Variants in AFG1L observed in about 807,000 individuals in gnomAD.
The protein encoded by AFG1L is AFG1 like ATPase.
Under a neutral mutation model 62.2 loss-of-function variants are expected in AFG1L, and 53 were observed. The observed-to-expected ratio is 0.85, with a 90% CI of 0.68 to 1.07. The LOEUF is 1.07. AFG1L is among the 50% of genes least tolerant of loss of function. The probability of loss-of-function intolerance (pLI) is 0.00; values close to 1 mark genes in which losing one functional copy is unlikely to be tolerated. For missense variants in AFG1L, 555 were observed against 590.5 expected, an observed-to-expected ratio of 0.94 and a Z score of 0.62; for synonymous variants, 228 against 210.3, an observed-to-expected ratio of 1.08 and a Z score of -0.73.
chr6:108,405,361 T>C (rs1315823247), intron 7 of AFG1L, among the ~76,000 whole-genome samples: 1 of 152,212 alleles, frequency 6.6e-6, no homozygotes, highest in African/African-American at 2.4e-5. Context: ...TTTAATACAT[T>C]TTGAGACAGG....
At chr6:108,432,023 G>A (rs892254289) in intron 7 of AFG1L, among the ~76,000 whole-genome samples, 1 of 149,980 alleles carries the variant, frequency 6.7e-6, no homozygotes, top group Non-Finnish European at 1.5e-5. Flanking sequence ...GTTCGATCTG[G>A]TATGCCATCA....
chr6:108,365,855 A>T (rs1582446989), intron 5 of AFG1L, among the ~76,000 whole-genome samples: 1 of 151,944 alleles, frequency 6.6e-6, no homozygotes, highest in South Asian at 2.1e-4. Context: ...TTATTTTTTC[A>T]TCTCTCTTTT....
At chr6:108,477,688 C>G (rs1280515855) in intron 10 of AFG1L, among the ~76,000 whole-genome samples, 2 of 152,186 alleles carry the variant, frequency 1.3e-5, no homozygotes, top group African/African-American at 4.8e-5. Context: ...AATTTCCACT[C>G]CTTGTACTGA....
chr6:108,415,101 A>G (rs1313094225), intron 7 of AFG1L, among the ~76,000 whole-genome samples: 2 of 152,208 alleles, frequency 1.3e-5, no homozygotes, highest in African/African-American at 4.8e-5. Flanking sequence ...ATGTGCAAAA[A>G]TCACAGGCAT....
chr6:108,403,148 G>C (rs1348309182), intron 7 of AFG1L, among the ~76,000 whole-genome samples: 1 of 151,998 alleles, frequency 6.6e-6, no homozygotes, highest in Non-Finnish European at 1.5e-5. Flanking sequence ...TTATAATCTA[G>C]TTGAGGATGT....
At chr6:108,374,376 A>G (rs1298766681) in intron 6 of AFG1L, among the ~76,000 whole-genome samples, 1 of 152,030 alleles carries the variant, frequency 6.6e-6, no homozygotes, top group African/African-American at 2.4e-5. Context: ...TTTTGTTGCA[A>G]TTGTTTTTGA....
intron 7 of AFG1L, among the ~76,000 whole-genome samples, chr6:108,435,997 C>A (rs1317699071): frequency 2.0e-5 from 3 of 152,142 alleles, no homozygotes; most frequent in African/African-American, 7.2e-5. Context: ...CAGACATGAT[C>A]CTGGTCACAT....
At chr6:108,432,069 G>T (rs778386397) in intron 7 of AFG1L, among the ~76,000 whole-genome samples, 1 of 150,612 alleles carries the variant, frequency 6.6e-6, no homozygotes, top group Non-Finnish European at 1.5e-5. Flanking sequence ...ATTATTTTTG[G>T]TTCTAAGTAC....
chr6:108,308,841 G>A (rs1486598987), intron 1 of AFG1L, among the ~76,000 whole-genome samples: 2 of 152,054 alleles, frequency 1.3e-5, no homozygotes, highest in Non-Finnish European at 2.9e-5. Flanking sequence ...GAGTAGCTGG[G>A]ACTACAGGCG....
rs1775200738 is a variant in AFG1L at position 108,523,354 on chromosome 6, A to T, written c.*929A>T. ...TCTGCCGTGAGATGGACCTAATAGG[A>T]AATAGGAAAGAAAGCCTGACAAGCC... On this transcript the variant is annotated 3_prime_UTR_variant, in exon 13 of 13. Coordinates refer to ENST00000368977, the MANE Select transcript of AFG1L (RefSeq NM_145315.5). 6.6e-6 allele frequency: 1 copy of T among 152,264 alleles called. No individual in the cohort carries two copies. The allele number at this position is 152,264 out of a possible 1,614,324, so 9.4% of individuals were successfully genotyped here.
intron 4 of AFG1L, 49 bp from the exon 5 acceptor site, chr6:108,356,641 C>G: frequency 7.7e-7 from 1 of 1,295,058 alleles, no homozygotes; most frequent in East Asian, 2.5e-5. Context: ...TTATAATTGT[C>G]TAAAAAGTAC....
chr6:108,413,841 C>A lies in AFG1L; in HGVS notation c.807+11787C>A, dbSNP rs574935049. On this transcript the variant is annotated intron_variant, in intron 7 of 12. Transcript: ENST00000368977. ...GGAAAGATCTAAAATTGACACCCTA[C>A]CATCACAATTAAAAGAACTAGAGAA... Among the ~76,000 whole-genome samples the A allele has an allele frequency of 5.3e-5, 8 of 151,910 alleles. No individual in the cohort carries two copies. The East Asian group carries it at 9.7e-4, about 18-fold the overall frequency.
intron 8 of AFG1L, among the ~76,000 whole-genome samples, chr6:108,457,849 A>G (rs906352182): frequency 6.6e-6 from 1 of 152,082 alleles, no homozygotes; most frequent in African/African-American, 2.4e-5. Context: ...TTTGCTGGCT[A>G]GAGAATTCTA....
At chr6:108,362,327 C>G (rs2114484170) in intron 5 of AFG1L, among the ~76,000 whole-genome samples, 1 of 151,782 alleles carries the variant, frequency 6.6e-6, no homozygotes, top group East Asian at 1.9e-4. Flanking sequence ...CTTTTATGAA[C>G]TATTTGAGGT....
chr6:108,342,099 C>T (rs898834567), intron 2 of AFG1L, among the ~76,000 whole-genome samples: 10 of 152,030 alleles, frequency 6.6e-5, no homozygotes, highest in Admixed American at 3.3e-4. Context: ...AGGGATGGGT[C>T]GCTTGTTGGT....
Position 108,525,593 on chromosome 6 carries a change from G to A in AFG1L, c.*3168G>A, listed in dbSNP as rs1377884873. ...TTTATTTATTTAAGAAACACATGATGTTTTCTGTGTCCTGGGCATGGTTCT... is the reference window on the plus strand; with the variant it reads ...TTTATTTATTTAAGAAACACATGATATTTTCTGTGTCCTGGGCATGGTTCT... On this transcript the variant is annotated 3_prime_UTR_variant, in exon 13 of 13. Transcript: ENST00000368977. 2 of 152,086 alleles carry A rather than the reference G, an allele frequency of 1.3e-5. No homozygotes were observed. The allele number at this position is 152,086 out of a possible 1,614,324, so 9.4% of individuals were successfully genotyped here. A position where few individuals can be genotyped will look rare whatever the true frequency, so the allele number is the denominator to read the frequency against.
At chr6:108,323,775 C>G (rs1777913799) in intron 1 of AFG1L, 50 bp from the exon 2 acceptor site, 19 of 1,357,134 alleles carry the variant, frequency 1.4e-5, no homozygotes, top group Non-Finnish European at 2.0e-5. Context: ...GTGTAGAGCA[C>G]TGTGAAAATG....
At chr6:108,498,525 A>G (rs967680747) in intron 10 of AFG1L, among the ~76,000 whole-genome samples, 4 of 152,362 alleles carry the variant, frequency 2.6e-5, no homozygotes, top group African/African-American at 9.6e-5. Context: ...GGTCACAGTG[A>G]TCAAGATCTC....
chr6:108,417,626 A>G (rs1419790369), intron 7 of AFG1L, among the ~76,000 whole-genome samples: 2 of 152,070 alleles, frequency 1.3e-5, no homozygotes, highest in African/African-American at 4.8e-5. Context: ...AAAGCAAGAT[A>G]TGTTTTGTAT....
Sources: allele counts gnomAD v4.1 joint callset (sites outside exome capture counted in the v4.1 genomes callset), GRCh38; gene constraint gnomAD v4.1.1; transcripts MANE v1.5; gene names NCBI Gene and HGNC (gene_info 2026-07-23, HGNC 2026-07-21).